SLC10A7: variants seen among roughly 807,000 people sequenced by gnomAD.
SLC10A7 encodes sodium/bile acid cotransporter 7.
In SLC10A7, 29 loss-of-function variants were observed where a neutral mutation model predicts 43.2. The observed-to-expected ratio is 0.67, with a 90% confidence interval of 0.50 to 0.92. SLC10A7 has a LOEUF of 0.92. SLC10A7 is among the 40% of genes least tolerant of loss of function. The probability of loss-of-function intolerance (pLI) is 0.00; values close to 1 mark genes in which losing one functional copy is unlikely to be tolerated. For missense variants in SLC10A7, 295 were observed against 403.2 expected, an observed-to-expected ratio of 0.73 and a Z score of 2.30; for synonymous variants, 152 against 144.8, an observed-to-expected ratio of 1.05 and a Z score of -0.35.
intron 4 of SLC10A7, among the ~76,000 whole-genome samples, chr4:146,468,989 TC>T (rs1560938697): frequency 6.6e-6 from 1 of 152,106 alleles, no homozygotes; most frequent in Non-Finnish European, 1.5e-5. Context: ...TCTTCACAGT[TC>T]TAATTAGGAT....
At chr4:146,299,290 C>G (rs142328392) in intron 7 of SLC10A7, among the ~76,000 whole-genome samples, 140 of 152,276 alleles carry the variant, frequency 9.2e-4, no homozygotes, top group African/African-American at 3.0e-3. Context: ...CTAACAGGGT[C>G]CTCAAAGATT....
intron 9 of SLC10A7, among the ~76,000 whole-genome samples, chr4:146,287,985 A>G (rs556509665): frequency 2.8e-4 from 42 of 152,162 alleles, no homozygotes; most frequent in Admixed American, 5.2e-4. Flanking sequence ...AGCAGCATTC[A>G]CAATGTGGCT....
chr4:146,394,263 C>T (rs1738653709), intron 5 of SLC10A7, among the ~76,000 whole-genome samples: 1 of 152,150 alleles, frequency 6.6e-6, no homozygotes, highest in Admixed American at 6.5e-5. Context: ...CTCATTAAAT[C>T]TTTTATCTAC....
intron 5 of SLC10A7, among the ~76,000 whole-genome samples, chr4:146,436,732 C>A (rs1031092182): frequency 2.0e-5 from 3 of 152,096 alleles, no homozygotes; most frequent in African/African-American, 7.2e-5. Flanking sequence ...TTGTTTGGTG[C>A]TGGTGCTAAT....
intron 5 of SLC10A7, among the ~76,000 whole-genome samples, chr4:146,376,392 C>T (rs1737200203): frequency 6.6e-6 from 1 of 152,138 alleles, no homozygotes; most frequent in South Asian, 2.1e-4. Flanking sequence ...ATAGTTGCCC[C>T]TGTTGTCCAG....
At chr4:146,348,491 C>T (rs1426214352) in intron 5 of SLC10A7, among the ~76,000 whole-genome samples, 7 of 152,150 alleles carry the variant, frequency 4.6e-5, no homozygotes, top group Non-Finnish European at 2.9e-5. Flanking sequence ...TGTTCTCTCT[C>T]AGTACCTACA....
Position 146,254,999 on chromosome 4 carries a change from T to C in SLC10A7, c.*1492A>G, listed in dbSNP as rs1191737831. 1 of 152,182 alleles carries C rather than the reference T, an allele frequency of 6.6e-6. No homozygotes were observed. Among genetic ancestry groups the C allele is most frequent in the East Asian group, 1.9e-4 (1 of 5,198 alleles). The allele number at this position is 152,182 out of a possible 1,614,324, so 9.4% of individuals were successfully genotyped here. ...GACCTGGTAGTAACAATAATATAAA[T>C]TTACACAGTAGATAAACTTGGTGAG... On this transcript the variant is annotated 3_prime_UTR_variant, in exon 12 of 12. Transcript: ENST00000335472.
intron 5 of SLC10A7, among the ~76,000 whole-genome samples, chr4:146,344,572 C>G (rs970729846): frequency 6.6e-6 from 1 of 151,916 alleles, no homozygotes; most frequent in Non-Finnish European, 1.5e-5. Context: ...TTCCTAAGAC[C>G]TTTTGGAGGG....
chr4:146,433,047 T>A (rs1254093738), intron 5 of SLC10A7, among the ~76,000 whole-genome samples: 1 of 148,006 alleles, frequency 6.8e-6, no homozygotes, highest in Non-Finnish European at 1.5e-5. Context: ...CAAAAAAAAA[T>A]CTGAATTTGT....
intron 10 of SLC10A7, among the ~76,000 whole-genome samples, chr4:146,261,132 G>A (rs1335536161): frequency 2.6e-5 from 4 of 152,156 alleles, no homozygotes; most frequent in African/African-American, 9.7e-5. Context: ...TCTCTCCACT[G>A]CTCTTGCAAG....
chr4:146,294,438 T>C (rs553844873), intron 7 of SLC10A7, among the ~76,000 whole-genome samples: 1 of 152,174 alleles, frequency 6.6e-6, no homozygotes, highest in Admixed American at 6.5e-5. Flanking sequence ...ATGTGTGTAA[T>C]TATCACAGTC....
intron 4 of SLC10A7, among the ~76,000 whole-genome samples, chr4:146,487,088 A>C (rs553690788): frequency 1.1e-3 from 172 of 152,328 alleles, no homozygotes; most frequent in African/African-American, 4.0e-3. Context: ...TATAAGCAGC[A>C]CCTTCTCTAC....
At chr4:146,460,469 C>T (rs1316744096) in intron 4 of SLC10A7, among the ~76,000 whole-genome samples, 1 of 151,912 alleles carries the variant, frequency 6.6e-6, no homozygotes, top group Non-Finnish European at 1.5e-5. Context: ...AATTATGGTA[C>T]ATTCATACAA....
At chr4:146,378,757 T>C (rs1312377695) in intron 5 of SLC10A7, among the ~76,000 whole-genome samples, 2 of 152,188 alleles carry the variant, frequency 1.3e-5, no homozygotes, top group Non-Finnish European at 1.5e-5. Flanking sequence ...AAAGTGGTTC[T>C]TGAATTATTT....
In SLC10A7 at chr4:146,256,500, C is replaced by T. The variant is rs200784424; in HGVS notation, c.1014G>A (p.Pro338=). Residue 338 remains proline, a synonymous_variant, in exon 12 of 12, where the codon CCG becomes CCA. Transcript: ENST00000335472. ...SRQKGVKLTR[P]TV The stretch of plus-strand genomic sequence containing the variant: ...AAGTCCACCTCCTTTGTTATACTGT[C>T]GGCCTTGTCAGCTTCACTCCCTACA... 3.2e-5 allele frequency: 51 copies of T among 1,614,002 alleles called. No homozygotes were observed. In the African/African-American group the frequency reaches 3.3e-4, roughly 11 times the overall value.
At chr4:146,469,019 G>T (rs1297335997) in intron 4 of SLC10A7, among the ~76,000 whole-genome samples, 1 of 152,078 alleles carries the variant, frequency 6.6e-6, no homozygotes, top group Non-Finnish European at 1.5e-5. Flanking sequence ...GGATTAAAAA[G>T]AATCATTCAG....
chr4:146,464,173 T>C (rs1276092156), intron 4 of SLC10A7, among the ~76,000 whole-genome samples: 1 of 151,972 alleles, frequency 6.6e-6, no homozygotes. Context: ...TCAGGGCTGA[T>C]ATTAATAATT....
At chr4:146,277,931 A>G (rs946552692) in intron 10 of SLC10A7, among the ~76,000 whole-genome samples, 2 of 152,190 alleles carry the variant, frequency 1.3e-5, no homozygotes, top group Admixed American at 6.5e-5. Flanking sequence ...GAGCAATTAC[A>G]TTTGTTAAGT....
chr4:146,520,606 C>T (rs1301641764), intron 1 of SLC10A7, among the ~76,000 whole-genome samples: 4 of 152,174 alleles, frequency 2.6e-5, no homozygotes, highest in African/African-American at 9.7e-5. Context: ...TCATTCACTT[C>T]CATCATGTTT....
Sources: allele counts gnomAD v4.1 joint callset (sites outside exome capture counted in the v4.1 genomes callset), GRCh38; gene constraint gnomAD v4.1.1; transcripts MANE v1.5; gene names NCBI Gene and HGNC (gene_info 2026-07-23, HGNC 2026-07-21).